Variants in OR5AS1 observed in about 807,000 individuals in gnomAD.
OR5AS1 encodes the protein olfactory receptor family 5 subfamily AS member 1.
For synonymous variants in OR5AS1, 196 were observed against 141.7 expected, an observed-to-expected ratio of 1.38 and a Z score of -2.72; for missense variants, 492 against 378.2, an observed-to-expected ratio of 1.30 and a Z score of -2.50.
chr11:56,038,183 A>G lies in OR5AS1; in HGVS notation c.*6790A>G, dbSNP rs1853428414. On this transcript the variant is annotated 3_prime_UTR_variant, in exon 2 of 2. Coordinates refer to ENST00000641320, the MANE Select transcript of OR5AS1 (RefSeq NM_001001921.2). ...CGCTGAACCATGCACTTGCCTTGCT[A>G]TTGATGGCTTCTGTCTGATCACAGT... The G allele has an allele frequency of 6.6e-6, 1 of 152,096 alleles. No individual in the cohort carries two copies. 9.4% of individuals were successfully genotyped at this position (152,096 alleles called of 1,614,324 possible). A position where few individuals can be genotyped will look rare whatever the true frequency, so the allele number is the denominator to read the frequency against.
At chr11:56,029,790 C>A (rs1043026576) in intron 1 of OR5AS1, among the ~76,000 whole-genome samples, 1 of 151,942 alleles carries the variant, frequency 6.6e-6, no homozygotes, top group Non-Finnish European at 1.5e-5. Context: ...TTTATTTATT[C>A]ATCTTAACTA....
At position 56,030,892 on chromosome 11, in the gene OR5AS1, C is replaced by T. The variant is rs958574044; in HGVS notation, c.474C>T (p.Val158=). 5.6e-6 allele frequency: 9 copies of T among 1,614,084 alleles called. No individual in the cohort carries two copies. Among genetic ancestry groups the T allele is most frequent in the Middle Eastern group, 3.3e-4 (2 of 6,062 alleles). ...AYFSGSTTSL[V]HVCLTFRLSF... is the part of the protein sequence containing the mutation. ...TCAGTGGAAGTACAACATCACTGGT[C>T]CATGTGTGCCTCACATTCAGGCTGT... The change falls in exon 2 of 2, where the codon GTC becomes GTT. Residue 158 remains valine (V), a synonymous_variant. Coordinates refer to ENST00000641320, the MANE Select transcript of OR5AS1 (RefSeq NM_001001921.2).
Position 56,031,714 on chromosome 11 carries a change from C to T in OR5AS1, c.*321C>T, listed in dbSNP as rs993515691. ...TATTAGAAGCTACTTGGCAGCAGAG[C>T]ATGTGTATATTGGCTTGTTTTTTCC... is the stretch of plus-strand genomic sequence containing the variant. On this transcript the variant is annotated 3_prime_UTR_variant, in exon 2 of 2. Coordinates refer to ENST00000641320, the MANE Select transcript of OR5AS1 (RefSeq NM_001001921.2). 14 of 190,528 alleles carry T rather than the reference C, an allele frequency of 7.3e-5. No individual in the cohort carries two copies. Among genetic ancestry groups the T allele is most frequent in the Non-Finnish European group, 1.2e-4 (11 of 91,232 alleles). The allele number at this position is 190,528 out of a possible 1,614,324, so 11.8% of individuals were successfully genotyped here.
At position 56,030,958 on chromosome 11, in the gene OR5AS1, T is replaced by C; in HGVS notation, c.540T>C (p.Asp180=). ...ATATCGTCAATCATTTTTTCTGTGA[T>C]ATCCCACCTCTTCTGGCTTTATCAT... The part of the protein sequence containing the change: ...GSNIVNHFFC[D]IPPLLALSCT... Residue 180 remains aspartate, a synonymous_variant, in exon 2 of 2, where the codon GAT becomes GAC. Transcript: ENST00000641320. 6.2e-7 allele frequency: 1 copy of C among 1,614,170 alleles called. No individual in the cohort carries two copies.
Position 56,030,794 on chromosome 11 carries a change from A to G in OR5AS1, c.376A>G (p.Ile126Val), listed in dbSNP as rs765190809. ...AAMAYDRYAA[I>V]CNPLLYTTLM... ...AATGGCTTATGACCGCTATGCAGCCATCTGCAACCCACTGCTCTATACTAC... is the reference window on the plus strand; with the variant it reads ...AATGGCTTATGACCGCTATGCAGCCGTCTGCAACCCACTGCTCTATACTAC... Residue 126 changes from isoleucine to valine, a missense_variant, in exon 2 of 2, where the codon ATC (isoleucine) becomes GTC (valine). Physicochemically the swap from Ile to Val is conservative, Grantham distance 29. Transcript: ENST00000641320. 11 of 1,614,108 alleles carry G rather than the reference A, an allele frequency of 6.8e-6. No individual in the cohort carries two copies. The South Asian group carries it at 1.1e-4, about 16-fold the overall frequency.
At chr11:56,029,636 G>C (rs1359656806) in intron 1 of OR5AS1, among the ~76,000 whole-genome samples, 1 of 150,890 alleles carries the variant, frequency 6.6e-6, no homozygotes, top group East Asian at 1.9e-4. Flanking sequence ...GATATTTCAT[G>C]GTGTTCAGAC....
chr11:56,028,949 C>T (rs540169600), intron 1 of OR5AS1, among the ~76,000 whole-genome samples: 8 of 152,040 alleles, frequency 5.3e-5, no homozygotes, highest in Non-Finnish European at 1.0e-4. Context: ...TTATATAAAG[C>T]TTGCAAATGT....
In OR5AS1 at chr11:56,034,802, C is replaced by T. The variant is rs918505925; in HGVS notation, c.*3409C>T. 12 of 152,008 alleles carry T rather than the reference C, an allele frequency of 7.9e-5. No homozygotes were observed. The highest frequency in any genetic ancestry group is 2.9e-4 in the African/African-American group (12 of 41,324). 9.4% of individuals were successfully genotyped at this position (152,008 alleles called of 1,614,324 possible). The stretch of plus-strand genomic sequence containing the variant: ...CCTCAAGAAGAGCAACCCCCAGACA[C>T]ATAATCATCAGATTCACCAAGGTGG... On this transcript the variant is annotated 3_prime_UTR_variant, in exon 2 of 2. Coordinates refer to ENST00000641320, the MANE Select transcript of OR5AS1 (RefSeq NM_001001921.2).
Position 56,031,534 on chromosome 11 carries a change from T to G in OR5AS1, c.*141T>G. On this transcript the variant is annotated 3_prime_UTR_variant, in exon 2 of 2. Coordinates refer to ENST00000641320, the MANE Select transcript of OR5AS1 (RefSeq NM_001001921.2). ...AATGCTTCATCCTCTCTTCCAAAAATGTTCTCTCCACAATTCTACTCTATA... is the reference window on the plus strand; with the variant it reads ...AATGCTTCATCCTCTCTTCCAAAAAGGTTCTCTCCACAATTCTACTCTATA... The G allele has an allele frequency of 1.6e-6, 1 of 612,572 alleles. No homozygotes were observed. Among genetic ancestry groups the G allele is most frequent in the Non-Finnish European group, 2.8e-6 (1 of 356,684 alleles). 37.9% of individuals were successfully genotyped at this position (612,572 alleles called of 1,614,324 possible). A position where few individuals can be genotyped will look rare whatever the true frequency, so the allele number is the denominator to read the frequency against.
chr11:56,028,703 T>C (rs1476019984), intron 1 of OR5AS1, among the ~76,000 whole-genome samples: 1 of 151,994 alleles, frequency 6.6e-6, no homozygotes, highest in Non-Finnish European at 1.5e-5. Context: ...CAAAACCCCT[T>C]TAAATCGTTT....
chr11:56,038,091 C>T lies in OR5AS1; in HGVS notation c.*6698C>T, dbSNP rs1313030082. ...TATGCAGAAAGCAGAAACTGGACCC[C>T]TTCCTTATATCTTATACAAAAATTA... On this transcript the variant is annotated 3_prime_UTR_variant, in exon 2 of 2. Transcript: ENST00000641320. 2.0e-5 allele frequency: 3 copies of T among 152,132 alleles called. No individual in the cohort carries two copies. The highest frequency in any genetic ancestry group is 4.4e-5 in the Non-Finnish European group (3 of 68,034). 9.4% of individuals were successfully genotyped at this position (152,132 alleles called of 1,614,324 possible).
At position 56,034,340 on chromosome 11, in the gene OR5AS1, A is replaced by G. The variant is rs1237986780; in HGVS notation, c.*2947A>G. ...GAGCTAAAGGAGCATGTCCTAACTCAATGCAAAGAAGCTAAGAACCTCGAA... is the reference window on the plus strand; with the variant it reads ...GAGCTAAAGGAGCATGTCCTAACTCGATGCAAAGAAGCTAAGAACCTCGAA... On this transcript the variant is annotated 3_prime_UTR_variant, in exon 2 of 2. Coordinates refer to ENST00000641320, the MANE Select transcript of OR5AS1 (RefSeq NM_001001921.2). 1.3e-5 allele frequency: 2 copies of G among 152,136 alleles called. No homozygotes were observed. Among genetic ancestry groups the G allele is most frequent in the African/African-American group, 4.8e-5 (2 of 41,390 alleles). The allele number at this position is 152,136 out of a possible 1,614,324, so 9.4% of individuals were successfully genotyped here.
In OR5AS1 at chr11:56,034,329, T is replaced by C. The variant is rs1042761728; in HGVS notation, c.*2936T>C. 6.6e-6 allele frequency: 1 copy of C among 152,074 alleles called. No individual in the cohort carries two copies. Among genetic ancestry groups the C allele is most frequent in the Non-Finnish European group, 1.5e-5 (1 of 68,038 alleles). The allele number at this position is 152,074 out of a possible 1,614,324, so 9.4% of individuals were successfully genotyped here. On this transcript the variant is annotated 3_prime_UTR_variant, in exon 2 of 2. Transcript: ENST00000641320. ...CAAACTCCTCTGAGCTAAAGGAGCA[T>C]GTCCTAACTCAATGCAAAGAAGCTA... is the stretch of plus-strand genomic sequence containing the variant.
In OR5AS1 at chr11:56,035,149, C is replaced by T. The variant is rs1482037619; in HGVS notation, c.*3756C>T. 1 of 151,552 alleles carries T rather than the reference C, an allele frequency of 6.6e-6. No individual in the cohort carries two copies. The highest frequency in any genetic ancestry group is 1.5e-5 in the Non-Finnish European group (1 of 67,678). 9.4% of individuals were successfully genotyped at this position (151,552 alleles called of 1,614,324 possible). Reference sequence around the variant, plus strand: ...AAACATGGAAAGGTACAACTGGTAACAGCCACTGCAAAAAAAACAAATTTT... The same window carrying T: ...AAACATGGAAAGGTACAACTGGTAATAGCCACTGCAAAAAAAACAAATTTT... On this transcript the variant is annotated 3_prime_UTR_variant, in exon 2 of 2. Transcript: ENST00000641320.
chr11:56,030,049 T>C (rs1307200970), intron 1 of OR5AS1, among the ~76,000 whole-genome samples: 2 of 152,120 alleles, frequency 1.3e-5, no homozygotes, highest in Non-Finnish European at 2.9e-5. Flanking sequence ...GCTTTGCCTC[T>C]AAAGATTTTG....
rs1016466181 is a variant in OR5AS1, at chr11:56,036,346, G to A, written c.*4953G>A. ...CAAAAAATCAATGAATCCAGGAGTT[G>A]GTTTTTGGAAAAGATCAACAAAATA... On this transcript the variant is annotated 3_prime_UTR_variant, in exon 2 of 2. Transcript: ENST00000641320. 6.6e-6 allele frequency: 1 copy of A among 152,022 alleles called. No homozygotes were observed. The highest frequency in any genetic ancestry group is 2.4e-5 in the African/African-American group (1 of 41,364). 9.4% of individuals were successfully genotyped at this position (152,022 alleles called of 1,614,324 possible). A position where few individuals can be genotyped will look rare whatever the true frequency, so the allele number is the denominator to read the frequency against.
rs189891125 is a variant in OR5AS1 at position 56,028,484 on chromosome 11, T to C, written c.-29+772T>C. ...TACTAATATTTCTGCTATCTGCGTA[T>C]CTCCTTCAAAGAGAATAGCAAATAA... is the stretch of plus-strand genomic sequence containing the variant. On this transcript the variant is annotated intron_variant, in intron 1 of 1. Transcript: ENST00000641320. Among the ~76,000 whole-genome samples, 348 of 152,216 alleles carry C rather than the reference T, an allele frequency of 2.3e-3. 2 individuals carry two copies. The highest frequency in any genetic ancestry group is 8.1e-3 in the African/African-American group (338 of 41,518).
rs1853353138 is a variant in OR5AS1, at chr11:56,031,678, C to T, written c.*285C>T. The T allele has an allele frequency of 8.8e-6, 2 of 228,124 alleles. No homozygotes were observed. The highest frequency in any genetic ancestry group is 4.6e-5 in the African/African-American group (2 of 43,648). The allele number at this position is 228,124 out of a possible 1,614,324, so 14.1% of individuals were successfully genotyped here. ...TGAAGGTAAATATTGACTTTTCAGT[C>T]AATCAATCGGTATTAGAAGCTACTT... is the stretch of plus-strand genomic sequence containing the variant. On this transcript the variant is annotated 3_prime_UTR_variant, in exon 2 of 2. Coordinates refer to ENST00000641320, the MANE Select transcript of OR5AS1 (RefSeq NM_001001921.2).
rs1853355015 is a variant in OR5AS1 at position 56,031,865 on chromosome 11, T to C, written c.*472T>C. On this transcript the variant is annotated 3_prime_UTR_variant, in exon 2 of 2. Coordinates refer to ENST00000641320, the MANE Select transcript of OR5AS1 (RefSeq NM_001001921.2). ...GCTCAAGGTCATCGCCAAGGTCTGA[T>C]TTCAAAAATTCAAAATATTGTAACC... is the stretch of plus-strand genomic sequence containing the variant. The C allele has an allele frequency of 6.5e-6, 1 of 152,778 alleles. No individual in the cohort carries two copies. The highest frequency in any genetic ancestry group is 2.4e-5 in the African/African-American group (1 of 41,386). The allele number at this position is 152,778 out of a possible 1,614,324, so 9.5% of individuals were successfully genotyped here.
Sources: allele counts gnomAD v4.1 joint callset (sites outside exome capture counted in the v4.1 genomes callset), GRCh38; gene constraint gnomAD v4.1.1; transcripts MANE v1.5; gene names NCBI Gene and HGNC (gene_info 2026-07-23, HGNC 2026-07-21).